Variants in PEX16 observed in about 807,000 individuals in gnomAD.
PEX16 encodes peroxin 16.
A neutral mutation model predicts 50.5 loss-of-function variants in PEX16; 37 were observed. That is an observed-to-expected ratio of 0.73 (90% CI 0.56 to 0.96). The LOEUF is 0.96. Among genes scored for constraint, PEX16 ranks in the 40% least tolerant of loss-of-function variants. The pLI, the probability that PEX16 is intolerant of heterozygous loss-of-function variation, is 0.00. For missense variants in PEX16, 401 were observed against 438.3 expected (o/e 0.91, Z 0.76); for synonymous variants, 185 against 190.3 (o/e 0.97, Z 0.23).
intron 9 of PEX16, 62 bp downstream of exon 9, chr11:45,913,757 A>G: frequency 6.3e-7 from 1 of 1,597,170 alleles, no homozygotes; most frequent in African/African-American, 1.3e-5. Context: ...GCCAGCAGGG[A>G]CCGGAGCACC....
chr11:45,910,755 G>T, intron 10 of PEX16, 143 bp downstream of exon 10: 2 of 867,408 alleles, frequency 2.3e-6, no homozygotes, highest in Non-Finnish European at 3.9e-6. Context: ...ATGCCCAGGG[G>T]CAGTCCCACC....
In PEX16 at chr11:45,917,837, C is replaced by T; in HGVS notation, c.-26G>A. ...CCTGCCCTCGGCACCGACAGACCCA[C>T]AGAAGGACCGTACGACAGGCTGCGG... On this transcript the variant is annotated 5_prime_UTR_variant, in exon 1 of 11. In the 5' UTR this introduces an upstream ATG that the reference lacks. Coordinates refer to ENST00000378750, the MANE Select transcript of PEX16 (RefSeq NM_004813.4). The T allele has an allele frequency of 6.8e-7, 1 of 1,479,190 alleles. No homozygotes were observed. The highest frequency in any genetic ancestry group is 9.1e-7 in the Non-Finnish European group (1 of 1,093,722). 91.6% of individuals were successfully genotyped at this position (1,479,190 alleles called of 1,614,324 possible).
chr11:45,913,195 C>G (rs941687661), intron 9 of PEX16, among the ~76,000 whole-genome samples: 1 of 152,100 alleles, frequency 6.6e-6, no homozygotes, highest in Admixed American at 6.5e-5. Flanking sequence ...CCTCACAGTC[C>G]CAGCCACTGC....
Position 45,913,904 on chromosome 11 carries a change from G to C in PEX16, c.802C>G (p.Arg268Gly). The C allele has an allele frequency of 6.2e-7, 1 of 1,613,392 alleles. No individual in the cohort carries two copies. The highest frequency in any genetic ancestry group is 8.5e-7 in the Non-Finnish European group (1 of 1,179,968). ...CGCCGCAGCTCCCGCCGCTCCCTCC[G>C]GGTCAGGCCCTTTCTGTCACTCAGG... is the stretch of plus-strand genomic sequence containing the variant. Reference protein sequence around the residue: ...SLLSDRKGLTRRERRELRRRT... With the variant: ...SLLSDRKGLTGRERRELRRRT... Residue 268 changes from arginine to glycine, a missense_variant, in exon 9 of 11, where the codon CGG becomes GGG. Arg to Gly is a moderately radical substitution (Grantham distance 125). Transcript: ENST00000378750.
rs772351787 is a variant in PEX16 at position 45,910,012 on chromosome 11, C to A, written c.*242G>T. On this transcript the variant is annotated 3_prime_UTR_variant, in exon 11 of 11. Transcript: ENST00000378750. Reference sequence around the variant, plus strand: ...CTTTCTGTGGGAGAGGAGCCTGGATCCCACTCCTAGTGAAGGCTTCTTGGC... The same window carrying A: ...CTTTCTGTGGGAGAGGAGCCTGGATACCACTCCTAGTGAAGGCTTCTTGGC... 6.9e-6 allele frequency: 9 copies of A among 1,302,540 alleles called. No homozygotes were observed. Among genetic ancestry groups the A allele is most frequent in the Non-Finnish European group, 8.8e-6 (8 of 904,586 alleles). 80.7% of individuals were successfully genotyped at this position (1,302,540 alleles called of 1,614,324 possible).
chr11:45,910,048 C>A lies in PEX16; in HGVS notation c.*206G>T, dbSNP rs1160978440. ...TGAAGGCTTCTTGGCCCAGCAGTGA[C>A]AAGGTGCGGGCTGCAGTGGCATCGT... On this transcript the variant is annotated 3_prime_UTR_variant, in exon 11 of 11. Transcript: ENST00000378750. 6.4e-7 allele frequency: 1 copy of A among 1,555,096 alleles called. No individual in the cohort carries two copies. The highest frequency in any genetic ancestry group is 2.2e-5 in the East Asian group (1 of 44,592).
chr11:45,914,600 T>A lies in PEX16; in HGVS notation c.541+4A>T. ...TGCCCAGGCCAGCCACATCCTCCACTTACTGTTCTGGAGGGTTCGCACCAC... is the reference window on the plus strand; with the variant it reads ...TGCCCAGGCCAGCCACATCCTCCACATACTGTTCTGGAGGGTTCGCACCAC... On this transcript the variant is annotated splice_donor_region_variant and intron_variant, in intron 6 of 10. Transcript: ENST00000378750. 1 of 1,613,882 alleles carries A rather than the reference T, an allele frequency of 6.2e-7. No homozygotes were observed. The highest frequency in any genetic ancestry group is 8.5e-7 in the Non-Finnish European group (1 of 1,179,770).
Position 45,914,319 on chromosome 11 carries a change from G to A in PEX16, c.691C>T (p.His231Tyr), listed in dbSNP as rs2086809341. ...EFLYIARPLL[H>Y]LLSLGLWGQR... ...TCCTGCCCCGCGCTAAGGATACAGT[G>A]CAGCAGCGGCCGGGCAATGTACAAA... is the stretch of plus-strand genomic sequence containing the variant. The change falls in exon 7 of 11, where the codon CAC (histidine) becomes TAC (tyrosine). Residue 231 changes from histidine to tyrosine, a missense_variant. Coordinates refer to ENST00000378750, the MANE Select transcript of PEX16 (RefSeq NM_004813.4). 1 of 1,613,306 alleles carries A rather than the reference G, an allele frequency of 6.2e-7. No individual in the cohort carries two copies. Among genetic ancestry groups the A allele is most frequent in the East Asian group, 2.2e-5 (1 of 44,878 alleles).
chr11:45,909,928 T>G lies in PEX16; in HGVS notation c.*326A>C. 1.5e-6 allele frequency: 1 copy of G among 678,386 alleles called. No homozygotes were observed. The highest frequency in any genetic ancestry group is 2.6e-6 in the Non-Finnish European group (1 of 381,050). The allele number at this position is 678,386 out of a possible 1,614,324, so 42.0% of individuals were successfully genotyped here. A position where few individuals can be genotyped will look rare whatever the true frequency, so the allele number is the denominator to read the frequency against. ...AGGGGCCAGCGAGAGAGCAGCAGTG[T>G]TCGCTCCTATGGCTGCCGAGGCGAG... On this transcript the variant is annotated 3_prime_UTR_variant, in exon 11 of 11. Transcript: ENST00000378750.
In PEX16 at chr11:45,917,861, GGCGCCCTGCTTCCT is replaced by G. The variant is rs969552356; in HGVS notation, c.-64_-51del. 5.2e-6 allele frequency: 7 copies of G among 1,334,122 alleles called. No homozygotes were observed. The highest frequency in any genetic ancestry group is 7.3e-6 in the Non-Finnish European group (7 of 963,442). The allele number at this position is 1,334,122 out of a possible 1,614,324, so 82.6% of individuals were successfully genotyped here. A position where few individuals can be genotyped will look rare whatever the true frequency, so the allele number is the denominator to read the frequency against. On this transcript the variant is annotated 5_prime_UTR_variant, in exon 1 of 11. Transcript: ENST00000378750. The stretch of plus-strand genomic sequence containing the variant: ...ACAGAAGGACCGTACGACAGGCTGC[GGCGCCCTGCTTCCT>G]GCGCCCTCCTTCCTGCTTCCGGTCT...
At chr11:45,914,262 C>T (rs375771098) in intron 7 of PEX16, 54 bp downstream of exon 7, 2 of 1,613,568 alleles carry the variant, frequency 1.2e-6, no homozygotes. Flanking sequence ...GCACACTCCC[C>T]ACTCAATCCC....
chr11:45,916,140 A>G lies in PEX16; in HGVS notation c.225+87T>C, dbSNP rs987724058. ...ACATAGGCCTGTCTCATACTCCATG[A>G]GACATGTGCTGCACGCATGGGCTAG... On this transcript the variant is annotated intron_variant, in intron 3 of 10. Coordinates refer to ENST00000378750, the MANE Select transcript of PEX16 (RefSeq NM_004813.4). 19 of 976,004 alleles carry G rather than the reference A, an allele frequency of 1.9e-5. No homozygotes were observed. The African/African-American group carries it at 2.7e-4, about 14-fold the overall frequency. The allele number at this position is 976,004 out of a possible 1,614,324, so 60.5% of individuals were successfully genotyped here.
chr11:45,911,057 G>A (rs1028216163), intron 9 of PEX16, 95 bp from the exon 10 acceptor site: 25 of 846,498 alleles, frequency 3.0e-5, no homozygotes, highest in African/African-American at 2.3e-4. Context: ...CCACCGTGCC[G>A]AATGCAGCGC....
rs886048324 is a variant in PEX16 at position 45,909,763 on chromosome 11, C to G, written c.*491G>C. The stretch of plus-strand genomic sequence containing the variant: ...GCTCACTGTTCACCAGGCTCTGTCA[C>G]AGGGAGGCTGGCAACGCCATGGCCT... On this transcript the variant is annotated 3_prime_UTR_variant, in exon 11 of 11. Transcript: ENST00000378750. 2.3e-6 allele frequency: 1 copy of G among 436,064 alleles called. No homozygotes were observed. Among genetic ancestry groups the G allele is most frequent in the Non-Finnish European group, 4.2e-6 (1 of 235,702 alleles). 27.0% of individuals were successfully genotyped at this position (436,064 alleles called of 1,614,324 possible).
At chr11:45,917,231 G>A (rs1049259505) in intron 2 of PEX16, 3 of 693,988 alleles carry the variant, frequency 4.3e-6, no homozygotes, top group South Asian at 1.5e-5. Flanking sequence ...TTAGTCCAGC[G>A]CCTGGCCAGT....
At chr11:45,914,808 C>CA in intron 5 of PEX16, 124 bp from the exon 6 acceptor site, 1 of 846,838 alleles carries the variant, frequency 1.2e-6, no homozygotes, top group Non-Finnish European at 2.0e-6. Context: ...ACTATGGCAA[C>CA]AGCTGAGTCA....
At chr11:45,915,366 G>A (rs947615151) in intron 5 of PEX16, 102 bp downstream of exon 5, 139 of 838,532 alleles carry the variant, frequency 1.7e-4, no homozygotes, top group Middle Eastern at 1.6e-3. Context: ...AGGGACAGGC[G>A]TGCTCCATAA....
intron 9 of PEX16, among the ~76,000 whole-genome samples, chr11:45,911,506 G>A (rs978857271): frequency 3.3e-5 from 5 of 152,228 alleles, no homozygotes; most frequent in African/African-American, 4.8e-5. Context: ...AGGGGAACTC[G>A]GGTGAGATGA....
Position 45,910,205 on chromosome 11 carries a change from A to G in PEX16, c.*49T>C, listed in dbSNP as rs758830819. 4.3e-6 allele frequency: 7 copies of G among 1,612,958 alleles called. No individual in the cohort carries two copies. The Admixed American group carries it at 5.0e-5, about 12-fold the overall frequency. The stretch of plus-strand genomic sequence containing the variant: ...GCCGGAGTCAGTTTTATTAGGGAAG[A>G]GGGGCTCCCTGCCCCACCCCTCCCC... On this transcript the variant is annotated 3_prime_UTR_variant, in exon 11 of 11. Coordinates refer to ENST00000378750, the MANE Select transcript of PEX16 (RefSeq NM_004813.4).
Sources: gnomAD v4.1 joint callset for allele counts (sites outside exome capture counted in the v4.1 genomes callset) on GRCh38, gnomAD v4.1.1 for gene constraint, MANE v1.5 for transcripts, NCBI Gene and HGNC (gene_info 2026-07-23, HGNC 2026-07-21) for gene names.